PIEZO2: variants seen among roughly 807,000 people sequenced by gnomAD.
PIEZO2 encodes piezo type mechanosensitive ion channel component 2, also known as piezo-type mechanosensitive ion channel component 2.
A neutral mutation model predicts 337.3 loss-of-function variants in PIEZO2; 172 were observed. That is an observed-to-expected ratio of 0.51 (90% CI 0.45 to 0.58). The LOEUF (loss-of-function observed/expected upper bound fraction) is 0.58. Among genes scored for constraint, PIEZO2 ranks in the 20% least tolerant of loss-of-function variants. PIEZO2 has a pLI of 0.00. For synonymous variants in PIEZO2, 1,251 were observed against 1,228.5 expected, an observed-to-expected ratio of 1.02 and a Z score of -0.38; for missense variants, 3,028 against 3,391.3, an observed-to-expected ratio of 0.89 and a Z score of 2.66.
chr18:10,874,626 A>G (rs1166636227), intron 4 of PIEZO2, among the ~76,000 whole-genome samples: 1 of 152,202 alleles, frequency 6.6e-6, no homozygotes, highest in Admixed American at 6.5e-5. Context: ...ACAATGGAAT[A>G]TTATTCAGCC....
chr18:11,057,022 G>A (rs1291899077), intron 2 of PIEZO2, among the ~76,000 whole-genome samples: 1 of 152,098 alleles, frequency 6.6e-6, no homozygotes, highest in Non-Finnish European at 1.5e-5. Flanking sequence ...GATCAATGGT[G>A]GGTACTTAAC....
chr18:10,901,952 G>C (rs1477898503), intron 4 of PIEZO2, among the ~76,000 whole-genome samples: 1 of 151,940 alleles, frequency 6.6e-6, no homozygotes, highest in African/African-American at 2.4e-5. Context: ...CTAGGGTAGG[G>C]GTCCCAACCC....
chr18:11,015,168 C>G (rs1290781599), intron 2 of PIEZO2, among the ~76,000 whole-genome samples: 1 of 145,672 alleles, frequency 6.9e-6, no homozygotes, highest in Middle Eastern at 3.6e-3. Flanking sequence ...CCCCTCATTC[C>G]TCAGTGTGGG....
At chr18:11,100,655 G>A (rs923605157) in intron 1 of PIEZO2, among the ~76,000 whole-genome samples, 1 of 152,120 alleles carries the variant, frequency 6.6e-6, no homozygotes, top group African/African-American at 2.4e-5. Context: ...GAGTGCAGTG[G>A]CACAGTTTTG....
At chr18:10,898,044 T>C (rs531693654) in intron 4 of PIEZO2, among the ~76,000 whole-genome samples, 4 of 152,366 alleles carry the variant, frequency 2.6e-5, no homozygotes, top group East Asian at 3.9e-4. Flanking sequence ...TTAAATTAAG[T>C]GCAACAAATG....
At chr18:10,756,075 T>C (rs1301800585) in intron 27 of PIEZO2, among the ~76,000 whole-genome samples, 1 of 105,132 alleles carries the variant, frequency 9.5e-6, no homozygotes. Flanking sequence ...GGGATAAGGA[T>C]AAAGGATGGA....
At chr18:11,084,312 C>T (rs1172464659) in intron 1 of PIEZO2, among the ~76,000 whole-genome samples, 1 of 152,064 alleles carries the variant, frequency 6.6e-6, no homozygotes, top group East Asian at 1.9e-4. Flanking sequence ...TTTTGTAGGG[C>T]ATGTGCCAGG....
At chr18:10,683,952 A>G (rs2034391937) in intron 49 of PIEZO2, among the ~76,000 whole-genome samples, 1 of 151,904 alleles carries the variant, frequency 6.6e-6, no homozygotes, top group Non-Finnish European at 1.5e-5. Context: ...CTGCCTTTCC[A>G]GGGGACAACA....
chr18:10,849,592 C>T (rs1291250837), intron 7 of PIEZO2, among the ~76,000 whole-genome samples: 7 of 152,116 alleles, frequency 4.6e-5, no homozygotes, highest in Non-Finnish European at 1.0e-4. Context: ...CCCAAGGATC[C>T]CTGAACCGTA....
At chr18:10,947,924 A>G (rs2033107692) in intron 3 of PIEZO2, among the ~76,000 whole-genome samples, 1 of 152,208 alleles carries the variant, frequency 6.6e-6, no homozygotes, top group Non-Finnish European at 1.5e-5. Context: ...GGTGAATCAT[A>G]TAAATCCAAA....
chr18:10,992,289 G>T (rs1370097443), intron 2 of PIEZO2, among the ~76,000 whole-genome samples: 2 of 152,074 alleles, frequency 1.3e-5, no homozygotes, highest in South Asian at 2.1e-4. Flanking sequence ...GGTGTTTTAG[G>T]CATAAAATCT....
chr18:10,854,823 C>T lies in PIEZO2; in HGVS notation c.917+530G>A, dbSNP rs1284512731. On this transcript the variant is annotated intron_variant, in intron 7 of 55. Transcript: ENST00000674853. This position sits in a 1 kb window ranked among gnomAD's most constrained non-coding sequence, Gnocchi z 4.6. ...TGACCTCCCAGGCTCAGGTGACGCTCCCACTTCAGCCTCCTGAGTAGCTGG... is the reference window on the plus strand; with the variant it reads ...TGACCTCCCAGGCTCAGGTGACGCTTCCACTTCAGCCTCCTGAGTAGCTGG... Among the ~76,000 whole-genome samples the T allele has an allele frequency of 6.6e-6, 1 of 152,214 alleles. No individual in the cohort carries two copies. Among genetic ancestry groups the T allele is most frequent in the African/African-American group, 2.4e-5 (1 of 41,454 alleles).
chr18:11,018,222 T>TGGTG (rs755689140), intron 2 of PIEZO2, among the ~76,000 whole-genome samples: 4 of 67,384 alleles, frequency 5.9e-5, no homozygotes, highest in Non-Finnish European at 1.5e-4. Context: ...GTGGTGGTGG[T>TGGTG]GTGTGTGTGT....
intron 2 of PIEZO2, among the ~76,000 whole-genome samples, chr18:11,062,092 A>G (rs1169309248): frequency 6.6e-6 from 1 of 152,200 alleles, no homozygotes; most frequent in Admixed American, 6.5e-5. Flanking sequence ...CAGAGCCCTC[A>G]GAAATAATGC....
At chr18:10,901,005 T>C (rs1049977971) in intron 4 of PIEZO2, among the ~76,000 whole-genome samples, 3 of 152,156 alleles carry the variant, frequency 2.0e-5, no homozygotes, top group Admixed American at 6.5e-5. Context: ...AAGAAAAGAA[T>C]AGAAAAAAGA....
At chr18:10,890,106 C>T (rs2042713380) in intron 4 of PIEZO2, among the ~76,000 whole-genome samples, 1 of 152,228 alleles carries the variant, frequency 6.6e-6, no homozygotes, top group Admixed American at 6.5e-5. Flanking sequence ...CTTTAATTGG[C>T]TAGCAAAGCT....
rs2037393844 is a variant in PIEZO2, at chr18:11,048,316, T to G, written c.160+17811A>C. Reference sequence around the variant, plus strand: ...GGTGACCCACAAGATTGAAAAGACCTGTCTTACGGTTACTCATGGCTCTGG... The same window carrying G: ...GGTGACCCACAAGATTGAAAAGACCGGTCTTACGGTTACTCATGGCTCTGG... On this transcript the variant is annotated intron_variant, in intron 2 of 55. Coordinates refer to ENST00000674853, the MANE Select transcript of PIEZO2 (RefSeq NM_001378183.1). This position sits in a 1 kb window ranked among gnomAD's most constrained non-coding sequence, Gnocchi z 4.5. 6.6e-6 allele frequency among the ~76,000 whole-genome samples: 1 copy of G among 152,178 alleles called. No homozygotes were observed. Among genetic ancestry groups the G allele is most frequent in the Non-Finnish European group, 1.5e-5 (1 of 68,036 alleles).
rs1045408144 is a variant in PIEZO2, at chr18:11,105,200, G to A, written c.65-38978C>T. On this transcript the variant is annotated intron_variant, in intron 1 of 55. Coordinates refer to ENST00000674853, the MANE Select transcript of PIEZO2 (RefSeq NM_001378183.1). This position sits in a 1 kb window ranked among gnomAD's most constrained non-coding sequence, Gnocchi z 4.3. ...TAAATCGCCCATTTTCTTTGACCACGATTTGGCTTTGCTTCTGAAACTTGC... is the reference window on the plus strand; with the variant it reads ...TAAATCGCCCATTTTCTTTGACCACAATTTGGCTTTGCTTCTGAAACTTGC... 4.6e-5 allele frequency among the ~76,000 whole-genome samples: 7 copies of A among 152,062 alleles called. No individual in the cohort carries two copies. Among genetic ancestry groups the A allele is most frequent in the African/African-American group, 1.7e-4 (7 of 41,396 alleles).
intron 2 of PIEZO2, among the ~76,000 whole-genome samples, chr18:11,061,944 T>C (rs1271817086): frequency 3.3e-5 from 5 of 152,360 alleles, no homozygotes; most frequent in African/African-American, 4.8e-5. Context: ...AGAGCCCGCA[T>C]TGCTAAGTCA....
Sources: allele counts gnomAD v4.1 joint callset (sites outside exome capture counted in the v4.1 genomes callset), GRCh38; gene constraint gnomAD v4.1.1; non-coding constraint Gnocchi (gnomAD v3.1); transcripts MANE v1.5; gene names NCBI Gene and HGNC (gene_info 2026-07-23, HGNC 2026-07-21).